Variants in MAP4K4 observed in about 807,000 individuals in gnomAD.
MAP4K4 encodes the protein HPK/GCK-like kinase HGK.
Under a neutral mutation model 189.6 loss-of-function variants are expected in MAP4K4, and 38 were observed. That is an observed-to-expected ratio of 0.20 (90% CI 0.15 to 0.26). The LOEUF is 0.26. MAP4K4 is among the 10% of genes least tolerant of loss of function. The pLI, the probability that MAP4K4 is intolerant of heterozygous loss-of-function variation, is 1.00. For synonymous variants in MAP4K4, 610 were observed against 624.3 expected, an observed-to-expected ratio of 0.98 and a Z score of 0.34; for missense variants, 1,054 against 1,726.9, an observed-to-expected ratio of 0.61 and a Z score of 6.91.
chr2:101,881,923 A>G (rs975393307), intron 27 of MAP4K4, among the ~76,000 whole-genome samples: 7 of 152,234 alleles, frequency 4.6e-5, no homozygotes, highest in African/African-American at 1.7e-4. Flanking sequence ...TTTACTATCC[A>G]TTCAGACATT....
At chr2:101,859,916 ACT>A in intron 15 of MAP4K4, 52 bp downstream of exon 15, 1 of 1,497,740 alleles carries the variant, frequency 6.7e-7, no homozygotes, top group East Asian at 2.4e-5. Flanking sequence ...TCGTATAACG[ACT>A]CTTCAGAACT....
At chr2:101,739,385 C>CT (rs962167393) in intron 2 of MAP4K4, among the ~76,000 whole-genome samples, 4 of 142,478 alleles carry the variant, frequency 2.8e-5, no homozygotes, top group East Asian at 2.3e-4. Context: ...GTCCTAAAGT[C>CT]TTTTTTTTCC....
intron 2 of MAP4K4, among the ~76,000 whole-genome samples, chr2:101,722,295 A>G (rs1482400891): frequency 6.6e-6 from 1 of 152,174 alleles, no homozygotes; most frequent in Non-Finnish European, 1.5e-5. Flanking sequence ...TGAGCTTTTA[A>G]ACCATTGAAT....
At chr2:101,888,519 A>G (rs1331081312) in intron 31 of MAP4K4, among the ~76,000 whole-genome samples, 1 of 152,098 alleles carries the variant, frequency 6.6e-6, no homozygotes, top group East Asian at 1.9e-4. Flanking sequence ...TCTGTGCACT[A>G]AACTCTAAAC....
intron 30 of MAP4K4, 74 bp from the exon 31 acceptor site, chr2:101,887,704 G>C: frequency 8.6e-7 from 1 of 1,157,254 alleles, no homozygotes; most frequent in South Asian, 1.6e-5. Flanking sequence ...TTCACTAAGA[G>C]TCTTACTGAG....
chr2:101,759,129 T>C (rs1275126371), intron 2 of MAP4K4, among the ~76,000 whole-genome samples: 1 of 97,832 alleles, frequency 1.0e-5, no homozygotes, highest in Non-Finnish European at 1.9e-5. Context: ...CAAGACTCCA[T>C]CTCAAAAAAA....
rs200622677 is a variant in MAP4K4, at chr2:101,887,044, AT to A, written c.3622-43del. On this transcript the variant is annotated intron_variant, in intron 29 of 32. Transcript: ENST00000324219. ...CGTCTCAAAAAAAAAAAAAAAAAAA[AT>A]GTTCTCCTTCATCTTCTCACTTCTC... 2.6e-3 allele frequency: 3,074 copies of A among 1,168,786 alleles called. 90 individuals carry two copies. In the African/African-American group the frequency reaches 0.05, roughly 19 times the overall value. 72.4% of individuals were successfully genotyped at this position (1,168,786 alleles called of 1,614,324 possible). A position where few individuals can be genotyped will look rare whatever the true frequency, so the allele number is the denominator to read the frequency against.
intron 28 of MAP4K4, 27 bp from the exon 29 acceptor site, chr2:101,885,160 C>T (rs745383682): frequency 2.7e-5 from 38 of 1,384,960 alleles, no homozygotes; most frequent in Non-Finnish European, 3.7e-5. Context: ...CTGTGCTTCT[C>T]TTGCTTTTTT....
intron 17 of MAP4K4, 99 bp downstream of exon 17, chr2:101,864,150 TTTA>T: frequency 1.8e-6 from 1 of 545,780 alleles, no homozygotes; most frequent in Non-Finnish European, 2.8e-6. Flanking sequence ...CTTGACCAAA[TTTA>T]AAGGGGCATT....
intron 3 of MAP4K4, among the ~76,000 whole-genome samples, chr2:101,820,584 A>C (rs1475771932): frequency 6.6e-6 from 1 of 152,202 alleles, no homozygotes; most frequent in South Asian, 2.1e-4. Context: ...GGCTTTTTAG[A>C]GCACATGTTT....
chr2:101,889,589 C>T (rs1330872446), intron 32 of MAP4K4, among the ~76,000 whole-genome samples: 1 of 152,112 alleles, frequency 6.6e-6, no homozygotes, highest in Non-Finnish European at 1.5e-5. Flanking sequence ...TGACCCATCC[C>T]TGTTTGCCAA....
At chr2:101,875,613 C>T (rs1422753061) in intron 26 of MAP4K4, among the ~76,000 whole-genome samples, 1 of 151,570 alleles carries the variant, frequency 6.6e-6, no homozygotes, top group Non-Finnish European at 1.5e-5. Context: ...TCTTCCGCCT[C>T]ACTCCCTCTA....
At chr2:101,780,352 A>G (rs1030991095) in intron 2 of MAP4K4, among the ~76,000 whole-genome samples, 1 of 152,134 alleles carries the variant, frequency 6.6e-6, no homozygotes, top group Non-Finnish European at 1.5e-5. Flanking sequence ...TGCTTTAGTG[A>G]TGCTTGAAGT....
chr2:101,699,319 G>T (rs955444970), intron 2 of MAP4K4, among the ~76,000 whole-genome samples: 2 of 152,206 alleles, frequency 1.3e-5, no homozygotes, highest in Non-Finnish European at 2.9e-5. Context: ...GACTGAGTCT[G>T]CGCTGAGTAG....
chr2:101,869,931 A>G, intron 22 of MAP4K4, 134 bp downstream of exon 22: 1 of 1,248,462 alleles, frequency 8.0e-7, no homozygotes, highest in East Asian at 2.6e-5. Flanking sequence ...ATTCAGCAGC[A>G]GGTCGCCTTG....
chr2:101,886,758 C>G lies in MAP4K4; in HGVS notation c.3622-330C>G, dbSNP rs538346669. Among the ~76,000 whole-genome samples, 3 of 152,206 alleles carry G rather than the reference C, an allele frequency of 2.0e-5. No homozygotes were observed. The East Asian group carries it at 5.8e-4, about 29-fold the overall frequency. ...GTTTGATCTATTAGAAGTAAGTTCT[C>G]CGGCCGGGCGTGGTGGCTCACGCCT... On this transcript the variant is annotated intron_variant, in intron 29 of 32. Transcript: ENST00000324219.
rs1022109042 is a variant in MAP4K4 at position 101,890,031 on chromosome 2, T to TAA, written c.4071+1097_4071+1098dup. Among the ~76,000 whole-genome samples the TAA allele has an allele frequency of 3.9e-5, 6 of 152,352 alleles. No homozygotes were observed. The East Asian group carries it at 1.2e-3, about 29-fold the overall frequency. ...GTCAGCTTGTTGGCTTATACTTTCC[T>TAA]AAGTATGTTTACCATAGCTGCAACT... On this transcript the variant is annotated intron_variant, in intron 32 of 32. Coordinates refer to ENST00000324219, the Ensembl canonical transcript of MAP4K4.
At chr2:101,868,034 A>G (rs376648407) in exon 21 of MAP4K4, 29 of 1,612,602 alleles carry the variant, frequency 1.8e-5, no homozygotes, top group African/African-American at 8.0e-5. Context: ...TGAAGGGCGA[A>G]GTGGTAAGCG....
At chr2:101,719,593 G>A (rs2149419237) in intron 2 of MAP4K4, among the ~76,000 whole-genome samples, 1 of 152,312 alleles carries the variant, frequency 6.6e-6, no homozygotes, top group East Asian at 1.9e-4. Flanking sequence ...GGAGAAACTG[G>A]GGAAAGACTT....
Sources: allele counts gnomAD v4.1 joint callset (sites outside exome capture counted in the v4.1 genomes callset), GRCh38; gene constraint gnomAD v4.1.1; transcripts MANE v1.5; gene names NCBI Gene and HGNC (gene_info 2026-07-23, HGNC 2026-07-21).